Variants in ECT2L observed in about 807,000 individuals in gnomAD.
ECT2L encodes the protein epithelial cell-transforming sequence 2 oncogene-like.
ECT2L carries 126 observed loss-of-function variants against 122.8 expected under a neutral mutation model. The ratio of observed to expected loss-of-function variants is 1.03; its 90% CI spans 0.89 to 1.19. The LOEUF is 1.19. ECT2L is among the 50% of genes most tolerant of loss of function. The pLI is 0.00. For missense variants in ECT2L, 1,012 were observed against 1,064.1 expected, an observed-to-expected ratio of 0.95 and a Z score of 0.68; for synonymous variants, 385 against 381.8, an observed-to-expected ratio of 1.01 and a Z score of -0.10.
intron 4 of ECT2L, among the ~76,000 whole-genome samples, chr6:138,834,935 A>ACACACACACACTCTCT (rs5880405): frequency 2.5e-4 from 36 of 142,866 alleles, no homozygotes; most frequent in Non-Finnish European, 3.5e-4. Flanking sequence ...ACACACACAC[A>ACACACACACACTCTCT]CTCTCATTCT....
At chr6:138,832,891 A>G (rs967518788) in intron 4 of ECT2L, among the ~76,000 whole-genome samples, 6 of 152,140 alleles carry the variant, frequency 3.9e-5, no homozygotes, top group African/African-American at 1.2e-4. Flanking sequence ...TGCTATAAAG[A>G]ACTGCCTGAG....
At chr6:138,864,130 G>T (rs1036543800) in intron 11 of ECT2L, among the ~76,000 whole-genome samples, 1 of 148,226 alleles carries the variant, frequency 6.7e-6, no homozygotes, top group Non-Finnish European at 1.5e-5. Flanking sequence ...AGACCAGCCT[G>T]CCCAACATGG....
At position 138,886,846 on chromosome 6, in the gene ECT2L, T is replaced by C. The variant is rs143358956; in HGVS notation, c.2260-11T>C. 5 of 1,610,928 alleles carry C rather than the reference T, an allele frequency of 3.1e-6. No homozygotes were observed. The East Asian group carries it at 1.1e-4, about 36-fold the overall frequency. ...ATTTTAGTTTGCCTAAAAGTACTTTTTTTCCCCTAGATGAAGCAAAACATC... is the reference window on the plus strand; with the variant it reads ...ATTTTAGTTTGCCTAAAAGTACTTTCTTTCCCCTAGATGAAGCAAAACATC... On this transcript the variant is annotated splice_polypyrimidine_tract_variant and intron_variant, in intron 18 of 21. Transcript: ENST00000541398.
chr6:138,835,078 A>G (rs1045546825), intron 4 of ECT2L, among the ~76,000 whole-genome samples: 4 of 152,186 alleles, frequency 2.6e-5, no homozygotes, highest in African/African-American at 9.6e-5. Flanking sequence ...CAGGGGAGGA[A>G]GAACACAGAA....
intron 16 of ECT2L, among the ~76,000 whole-genome samples, chr6:138,883,496 C>T (rs1193858387): frequency 6.6e-6 from 1 of 152,166 alleles, no homozygotes; most frequent in Non-Finnish European, 1.5e-5. Flanking sequence ...AAAAGGCTAC[C>T]TTGTCACATG....
intron 4 of ECT2L, among the ~76,000 whole-genome samples, chr6:138,836,640 T>C (rs1413568698): frequency 6.7e-6 from 1 of 149,160 alleles, no homozygotes; most frequent in Non-Finnish European, 1.5e-5. Flanking sequence ...GATTTCCTGA[T>C]TTCTTAATTC....
chr6:138,863,892 G>A (rs532581392), intron 11 of ECT2L, among the ~76,000 whole-genome samples: 1 of 149,792 alleles, frequency 6.7e-6, no homozygotes, highest in African/African-American at 2.5e-5. Flanking sequence ...GATTACAGGC[G>A]TGAGCCACCG....
chr6:138,860,924 T>C (rs548328693), intron 10 of ECT2L, among the ~76,000 whole-genome samples: 45 of 152,096 alleles, frequency 3.0e-4, no homozygotes, highest in Non-Finnish European at 5.9e-4. Context: ...TTCCCCTCCC[T>C]GCATCCATGT....
chr6:138,813,941 G>A (rs775443303), intron 3 of ECT2L, among the ~76,000 whole-genome samples: 9 of 152,086 alleles, frequency 5.9e-5, no homozygotes, highest in Non-Finnish European at 1.3e-4. Flanking sequence ...AAGCTGGACC[G>A]AAACGCAGGT....
rs1420343565 is a variant in ECT2L, at chr6:138,843,153, G to C, written c.517G>C (p.Glu173Gln). 1 of 1,614,014 alleles carries C rather than the reference G, an allele frequency of 6.2e-7. No individual in the cohort carries two copies. The highest frequency in any genetic ancestry group is 1.3e-5 in the African/African-American group (1 of 75,048). The change falls in exon 6 of 22, where the codon GAA becomes CAA. Residue 173 changes from glutamate to glutamine, a missense_variant. Coordinates refer to ENST00000541398, the MANE Select transcript of ECT2L (RefSeq NM_001077706.3). ...TGGGACGCTGAATGAACCCAAAACA[G>C]AAGATGAGGAACTACTGGAGAGACA... is the stretch of plus-strand genomic sequence containing the variant. Reference protein sequence around the residue: ...TYGTLNEPKTEDEELLERQRE... With the variant: ...TYGTLNEPKTQDEELLERQRE...
chr6:138,853,166 C>CCATATTGGCCAGGCTGATCTCAAACT (rs1370084222), intron 9 of ECT2L, among the ~76,000 whole-genome samples: 2 of 152,252 alleles, frequency 1.3e-5, no homozygotes, highest in East Asian at 3.9e-4. Flanking sequence ...TGGGGTTTCA[C>CCATATTGGCCAGGCTGATCTCAAACT]CATATTGGCC....
Position 138,843,129 on chromosome 6 carries a change from G to C in ECT2L, c.493G>C (p.Gly165Arg). Residue 165 changes from glycine (G) to arginine (R), a missense_variant, in exon 6 of 22, where the codon GGG (glycine) becomes CGG (arginine). Physicochemically the swap from Gly to Arg is moderately radical, Grantham distance 125. Transcript: ENST00000541398. ...LTPREAAATY[G>R]TLNEPKTEDE... Reference sequence around the variant, plus strand: ...ACCTAGGGAGGCTGCTGCTACTTATGGGACGCTGAATGAACCCAAAACAGA... The same window carrying C: ...ACCTAGGGAGGCTGCTGCTACTTATCGGACGCTGAATGAACCCAAAACAGA... The C allele has an allele frequency of 1.2e-6, 2 of 1,614,092 alleles. No homozygotes were observed. Among genetic ancestry groups the C allele is most frequent in the Non-Finnish European group, 1.7e-6 (2 of 1,179,966 alleles).
chr6:138,902,072 T>C (rs1779414671), intron 21 of ECT2L, among the ~76,000 whole-genome samples: 2 of 152,246 alleles, frequency 1.3e-5, no homozygotes, highest in Admixed American at 1.3e-4. Flanking sequence ...TGTCAAAACA[T>C]TGTTAAGTAA....
chr6:138,839,586 AC>A (rs1315958497), intron 5 of ECT2L, among the ~76,000 whole-genome samples: 2 of 151,100 alleles, frequency 1.3e-5, no homozygotes, highest in Non-Finnish European at 3.0e-5. Flanking sequence ...CTGGTCTTGA[AC>A]TCCTGGGCTC....
intron 9 of ECT2L, among the ~76,000 whole-genome samples, chr6:138,850,800 A>G (rs188484454): frequency 0.012 from 1,791 of 151,994 alleles, 32 homozygotes; most frequent in African/African-American, 0.041. Flanking sequence ...TCAGGAGTTC[A>G]AGACCAGCCT....
At chr6:138,898,352 A>G (rs1024813622) in intron 20 of ECT2L, among the ~76,000 whole-genome samples, 2 of 152,230 alleles carry the variant, frequency 1.3e-5, no homozygotes, top group African/African-American at 4.8e-5. Flanking sequence ...TGTTTGAAAG[A>G]AAGAGCTAGC....
chr6:138,824,563 AAAAACAAAAAAC>A (rs1562459177), intron 4 of ECT2L, among the ~76,000 whole-genome samples: 1 of 126,986 alleles, frequency 7.9e-6, no homozygotes, highest in East Asian at 2.3e-4. Context: ...AACTATAAAA[AAAAACAAAAAAC>A]AAAAACAAAA....
intron 20 of ECT2L, among the ~76,000 whole-genome samples, chr6:138,900,025 A>T (rs1436979314): frequency 1.3e-5 from 2 of 152,248 alleles, no homozygotes; most frequent in Non-Finnish European, 2.9e-5. Context: ...TTGCCCCTTG[A>T]TAAATATGCC....
At chr6:138,844,795 CTTTTTTT>C (rs11398299) in intron 7 of ECT2L, among the ~76,000 whole-genome samples, 1 of 126,672 alleles carries the variant, frequency 7.9e-6, no homozygotes, top group African/African-American at 3.0e-5. Context: ...TTTAAATGTT[CTTTTTTT>C]TTTTTTTTTT....
Sources: gnomAD v4.1 joint callset for allele counts (sites outside exome capture counted in the v4.1 genomes callset) on GRCh38, gnomAD v4.1.1 for gene constraint, MANE v1.5 for transcripts, NCBI Gene and HGNC (gene_info 2026-07-23, HGNC 2026-07-21) for gene names.